Variants in PLD5 observed in about 807,000 individuals in gnomAD.
PLD5 encodes the protein inactive phospholipase D5.
PLD5 carries 36 observed loss-of-function variants against 61.1 expected under a neutral mutation model. The ratio of observed to expected loss-of-function variants is 0.59; its 90% CI spans 0.45 to 0.78. PLD5 has a LOEUF of 0.78. Among genes scored for constraint, PLD5 ranks in the 30% least tolerant of loss-of-function variants. The pLI, the probability that PLD5 is intolerant of heterozygous loss-of-function variation, is 0.00. For synonymous variants in PLD5, 243 were observed against 242.8 expected, an observed-to-expected ratio of 1.00 and a Z score of -0.01; for missense variants, 515 against 644.4, an observed-to-expected ratio of 0.80 and a Z score of 2.17.
intron 5 of PLD5, among the ~76,000 whole-genome samples, chr1:242,140,530 A>T (rs1664084174): frequency 6.6e-6 from 1 of 152,160 alleles, no homozygotes; most frequent in African/African-American, 2.4e-5. Flanking sequence ...TCAGCTACTC[A>T]GGTGGCAGAA....
At chr1:242,519,943 A>G (rs1291074921) in intron 1 of PLD5, among the ~76,000 whole-genome samples, 1 of 152,238 alleles carries the variant, frequency 6.6e-6, no homozygotes, top group East Asian at 1.9e-4. Flanking sequence ...ATGAGAAGTC[A>G]TATACCTACA....
At chr1:242,163,405 A>G (rs552284655) in intron 5 of PLD5, among the ~76,000 whole-genome samples, 1 of 151,932 alleles carries the variant, frequency 6.6e-6, no homozygotes, top group South Asian at 2.1e-4. Flanking sequence ...GGCCTCCCAA[A>G]GTGCTGGGAT....
intron 1 of PLD5, among the ~76,000 whole-genome samples, chr1:242,428,894 C>T (rs1052071865): frequency 6.6e-6 from 1 of 152,096 alleles, no homozygotes; most frequent in Non-Finnish European, 1.5e-5. Context: ...AAAATTGTTC[C>T]TTTAGTTAGG....
chr1:242,498,873 G>A (rs956138078), intron 1 of PLD5, among the ~76,000 whole-genome samples: 2 of 152,196 alleles, frequency 1.3e-5, no homozygotes, highest in Non-Finnish European at 2.9e-5. Context: ...AAGAATAGAT[G>A]TTGGAATGAA....
chr1:242,191,840 T>G (rs1668306792), intron 5 of PLD5, among the ~76,000 whole-genome samples: 2 of 139,794 alleles, frequency 1.4e-5, no homozygotes, highest in Non-Finnish European at 1.5e-5. Context: ...AAGGAGGGGG[T>G]ACAGACTGGG....
At chr1:242,298,579 A>C (rs1189102902) in intron 2 of PLD5, among the ~76,000 whole-genome samples, 1 of 152,184 alleles carries the variant, frequency 6.6e-6, no homozygotes, top group Non-Finnish European at 1.5e-5. Flanking sequence ...TGCTACAAGC[A>C]CACTTTGGGT....
At chr1:242,309,864 G>T (rs1676594918) in intron 2 of PLD5, among the ~76,000 whole-genome samples, 2 of 38,264 alleles carry the variant, frequency 5.2e-5, no homozygotes, top group South Asian at 3.3e-3. Context: ...ATAATTTATT[G>T]AGTTTTTTTA....
intron 1 of PLD5, among the ~76,000 whole-genome samples, chr1:242,491,331 T>G (rs958663669): frequency 1.3e-5 from 2 of 152,178 alleles, no homozygotes; most frequent in African/African-American, 2.4e-5. Context: ...TACTTATATA[T>G]AGATAGACAT....
chr1:242,302,510 G>A (rs939715663), intron 2 of PLD5, among the ~76,000 whole-genome samples: 4 of 149,036 alleles, frequency 2.7e-5, no homozygotes, highest in African/African-American at 1.0e-4. Flanking sequence ...TTGAGGCCAG[G>A]AGAGTAAGAC....
chr1:242,251,331 A>G (rs1428521774), intron 4 of PLD5, among the ~76,000 whole-genome samples: 2 of 152,238 alleles, frequency 1.3e-5, no homozygotes, highest in Non-Finnish European at 2.9e-5. Context: ...ATGATAGTGT[A>G]TTCAAAATTG....
At chr1:242,216,484 C>T (rs1670202858) in intron 5 of PLD5, among the ~76,000 whole-genome samples, 1 of 152,226 alleles carries the variant, frequency 6.6e-6, no homozygotes, top group African/African-American at 2.4e-5. Flanking sequence ...GGCTTGTTTA[C>T]TCATGTGGTC....
At chr1:242,444,594 A>G (rs1666422262) in intron 1 of PLD5, among the ~76,000 whole-genome samples, 1 of 78,054 alleles carries the variant, frequency 1.3e-5, no homozygotes, top group African/African-American at 5.4e-5. Flanking sequence ...CCTCAGGAAC[A>G]TAATCAAAAG....
chr1:242,213,839 A>G (rs1471021504), intron 5 of PLD5, among the ~76,000 whole-genome samples: 1 of 150,118 alleles, frequency 6.7e-6, no homozygotes, highest in Admixed American at 6.7e-5. Flanking sequence ...ATGACCCCCC[A>G]GCACTGTGCT....
intron 4 of PLD5, among the ~76,000 whole-genome samples, chr1:242,254,396 G>T: frequency 6.6e-6 from 1 of 151,702 alleles, no homozygotes; most frequent in Non-Finnish European, 1.5e-5. Flanking sequence ...AAGGCTGGGC[G>T]TGGTGGCTCA....
chr1:242,528,815 A>G (rs1669496127), upstream of PLD5, among the ~76,000 whole-genome samples: 1 of 152,208 alleles, frequency 6.6e-6, no homozygotes, highest in African/African-American at 2.4e-5. Context: ...TTTTTTCACC[A>G]TGTCCGATAA....
At chr1:242,226,133 AT>A (rs1423818405) in intron 4 of PLD5, among the ~76,000 whole-genome samples, 2 of 152,214 alleles carry the variant, frequency 1.3e-5, no homozygotes, top group Non-Finnish European at 2.9e-5. Flanking sequence ...AATTAAATAT[AT>A]TTTTAAGACA....
intron 9 of PLD5, among the ~76,000 whole-genome samples, chr1:242,095,258 T>A (rs1156593732): frequency 6.7e-6 from 1 of 150,360 alleles, no homozygotes; most frequent in East Asian, 2.0e-4. Flanking sequence ...AGAGATGGAG[T>A]CTTACTCTGT....
chr1:242,467,212 C>T (rs1667303971), intron 1 of PLD5, among the ~76,000 whole-genome samples: 1 of 152,056 alleles, frequency 6.6e-6, no homozygotes, highest in Admixed American at 6.5e-5. Context: ...TAACAATTCT[C>T]ACTTGTTAAT....
At chr1:242,222,588 G>A (rs569706774) in intron 4 of PLD5, among the ~76,000 whole-genome samples, 1 of 152,318 alleles carries the variant, frequency 6.6e-6, no homozygotes, top group South Asian at 2.1e-4. Flanking sequence ...GTTGCCATTT[G>A]CATCAGACTG....
Sources: gnomAD v4.1 joint callset for allele counts (sites outside exome capture counted in the v4.1 genomes callset) on GRCh38, gnomAD v4.1.1 for gene constraint, MANE v1.5 for transcripts, NCBI Gene and HGNC (gene_info 2026-07-23, HGNC 2026-07-21) for gene names.